Variants in TBX18 observed in about 807,000 individuals in gnomAD.
TBX18 encodes T-box transcription factor TBX18.
TBX18 carries 21 observed loss-of-function variants against 55.0 expected under a neutral mutation model. The observed-to-expected ratio is 0.38, with a 90% CI of 0.27 to 0.55. The LOEUF (loss-of-function observed/expected upper bound fraction) is 0.55, where lower values mean the gene tolerates loss of function less well. TBX18 is among the 20% of genes least tolerant of loss of function. TBX18 has a pLI of 0.73. For synonymous variants in TBX18, 342 were observed against 326.1 expected, an observed-to-expected ratio of 1.05 and a Z score of -0.53; for missense variants, 840 against 799.6, an observed-to-expected ratio of 1.05 and a Z score of -0.61.
At chr6:84,743,061 C>A (rs1252492605) in intron 6 of TBX18, among the ~76,000 whole-genome samples, 1 of 152,120 alleles carries the variant, frequency 6.6e-6, no homozygotes. Context: ...AAAATAATTT[C>A]AATACAGCAG....
At chr6:84,762,263 A>G (rs548196736) in intron 2 of TBX18, among the ~76,000 whole-genome samples, 1 of 152,324 alleles carries the variant, frequency 6.6e-6, no homozygotes, top group South Asian at 2.1e-4. Flanking sequence ...ACCGCCCTGA[A>G]CGCAGAACAT....
chr6:84,748,004 C>A lies in TBX18; in HGVS notation c.855G>T (p.Lys285Asn). 4 of 1,613,504 alleles carry A rather than the reference C, an allele frequency of 2.5e-6. No individual in the cohort carries two copies. Among genetic ancestry groups the A allele is most frequent in the Non-Finnish European group, 3.4e-6 (4 of 1,179,562 alleles). Reference protein sequence around the residue: ...KDCGDDLSPIKPVPSGEGVKA... With the variant: ...KDCGDDLSPINPVPSGEGVKA... ...TTACTCCCTCCCCGGATGGAACAGG[C>A]TTGATGGGAGAAAGATCGTCTCCAC... Residue 285 changes from lysine to asparagine, a missense_variant, in exon 5 of 8, where the codon AAG becomes AAT. Lys to Asn is a moderately conservative substitution (Grantham distance 94). Transcript: ENST00000369663.
In TBX18 at chr6:84,756,811, G is replaced by A. The variant is rs769177001; in HGVS notation, c.658C>T (p.Pro220Ser). Residue 220 changes from proline (P) to serine (S), a missense_variant, in exon 4 of 8, where the codon CCC (proline) becomes TCC (serine). Transcript: ENST00000369663. ...GAGTCTGGATGAATGTACACACGGG[G>A]TGGCACAGGCGAGTCAGCATTACCT... is the stretch of plus-strand genomic sequence containing the variant. ...VAGNADSPVP[P>S]RVYIHPDSPA... 3.0e-5 allele frequency: 48 copies of A among 1,614,100 alleles called. No individual in the cohort carries two copies. Among genetic ancestry groups the A allele is most frequent in the Non-Finnish European group, 4.1e-5 (48 of 1,180,006 alleles).
intron 3 of TBX18, among the ~76,000 whole-genome samples, chr6:84,759,861 G>C (rs943430169): frequency 6.6e-6 from 1 of 151,558 alleles, no homozygotes; most frequent in African/African-American, 2.4e-5. Context: ...AAATTTACAT[G>C]ACCAAAAGAT....
rs1773837334 is a variant in TBX18, at chr6:84,732,737, C to T, written c.*3948G>A. The T allele has an allele frequency of 6.6e-6, 1 of 151,792 alleles. No homozygotes were observed. The highest frequency in any genetic ancestry group is 1.5e-5 in the Non-Finnish European group (1 of 67,932). 9.4% of individuals were successfully genotyped at this position (151,792 alleles called of 1,614,324 possible). A position where few individuals can be genotyped will look rare whatever the true frequency, so the allele number is the denominator to read the frequency against. On this transcript the variant is annotated 3_prime_UTR_variant, in exon 8 of 8. Coordinates refer to ENST00000369663, the MANE Select transcript of TBX18 (RefSeq NM_001080508.3). ...ATCCTGTAAAACTAAAGCACAGTTC[C>T]ATTTAAAGGATAAATTTCACATAAT...
chr6:84,754,980 T>G (rs1767447747), intron 4 of TBX18, among the ~76,000 whole-genome samples: 1 of 152,196 alleles, frequency 6.6e-6, no homozygotes. Context: ...GGTAAGCTCC[T>G]TAAAATAAAT....
intron 4 of TBX18, among the ~76,000 whole-genome samples, chr6:84,751,723 T>C (rs1002003887): frequency 6.6e-6 from 1 of 152,166 alleles, no homozygotes; most frequent in Non-Finnish European, 1.5e-5. Context: ...AAAGTAGGAA[T>C]TGAGGAGAGA....
intron 6 of TBX18, among the ~76,000 whole-genome samples, chr6:84,739,186 G>C (rs894054917): frequency 6.6e-6 from 1 of 151,824 alleles, no homozygotes; most frequent in Admixed American, 6.6e-5. Context: ...TGAAGAAACA[G>C]CACTGGCCTC....
intron 7 of TBX18, 104 bp from the exon 8 acceptor site, chr6:84,737,513 G>C: frequency 7.7e-7 from 1 of 1,299,038 alleles, no homozygotes; most frequent in South Asian, 1.9e-5. Context: ...AAGGGTTGGA[G>C]GAATGCTACA....
At chr6:84,758,407 CAAA>C (rs1217785377) in intron 3 of TBX18, among the ~76,000 whole-genome samples, 10 of 86,100 alleles carry the variant, frequency 1.2e-4, no homozygotes, top group Non-Finnish European at 1.7e-4. Context: ...GACTCCATCT[CAAA>C]AAAAAAAAAA....
chr6:84,736,234 A>G lies in TBX18; in HGVS notation c.*451T>C, dbSNP rs750091802. The stretch of plus-strand genomic sequence containing the variant: ...TTAGATTCTCACACTGTGTCCAAGA[A>G]TAACAGAAATCACAAGACTCTACAT... On this transcript the variant is annotated 3_prime_UTR_variant, in exon 8 of 8. Coordinates refer to ENST00000369663, the MANE Select transcript of TBX18 (RefSeq NM_001080508.3). 4.2e-4 allele frequency: 64 copies of G among 152,860 alleles called. No homozygotes were observed. The highest frequency in any genetic ancestry group is 6.9e-4 in the Non-Finnish European group (47 of 68,176). The allele number at this position is 152,860 out of a possible 1,614,324, so 9.5% of individuals were successfully genotyped here.
rs1011516071 is a variant in TBX18, at chr6:84,732,693, T to C, written c.*3992A>G. The C allele has an allele frequency of 1.3e-5, 2 of 152,078 alleles. No individual in the cohort carries two copies. The highest frequency in any genetic ancestry group is 4.8e-5 in the African/African-American group (2 of 41,450). The allele number at this position is 152,078 out of a possible 1,614,324, so 9.4% of individuals were successfully genotyped here. On this transcript the variant is annotated 3_prime_UTR_variant, in exon 8 of 8. Transcript: ENST00000369663. ...GTTACTAAGTATAGCTTCCTTCTGA[T>C]ATTAAAATACTAAAATTTATCCTGT...
At chr6:84,743,793 A>G (rs1767107861) in intron 6 of TBX18, among the ~76,000 whole-genome samples, 1 of 152,236 alleles carries the variant, frequency 6.6e-6, no homozygotes, top group Non-Finnish European at 1.5e-5. Flanking sequence ...CAAATTTGGA[A>G]ACTAAAGAAC....
chr6:84,743,952 T>C (rs752191908), intron 6 of TBX18, among the ~76,000 whole-genome samples: 1 of 152,170 alleles, frequency 6.6e-6, no homozygotes, highest in Non-Finnish European at 1.5e-5. Context: ...GCAGAGAGGA[T>C]ATTTAATTAG....
In TBX18 at chr6:84,754,738, A is replaced by G. The variant is rs78700992; in HGVS notation, c.771+1960T>C. Among the ~76,000 whole-genome samples the G allele has an allele frequency of 6.0e-3, 914 of 152,308 alleles. 10 individuals carry two copies. Among genetic ancestry groups the G allele is most frequent in the African/African-American group, 0.019 (773 of 41,558 alleles). On this transcript the variant is annotated intron_variant, in intron 4 of 7. Transcript: ENST00000369663. ...GATGTTGCTGCCAGGTATTTATTAG[A>G]TGAGATCAACATTTATATCAGCAGA...
Position 84,762,521 on chromosome 6 carries a change from G to A in TBX18, c.497+23C>T, listed in dbSNP as rs1287360908. 5 of 1,613,368 alleles carry A rather than the reference G, an allele frequency of 3.1e-6. No homozygotes were observed. The African/African-American group carries it at 6.7e-5, about 22-fold the overall frequency. On this transcript the variant is annotated intron_variant, in intron 2 of 7. Coordinates refer to ENST00000369663, the MANE Select transcript of TBX18 (RefSeq NM_001080508.3). Reference sequence around the variant, plus strand: ...GACAGGGTCTGGGGTAGGGAGGGGCGTCCACGCCAGCTTGCCCATTACCTG... The same window carrying A: ...GACAGGGTCTGGGGTAGGGAGGGGCATCCACGCCAGCTTGCCCATTACCTG...
chr6:84,756,653 G>A (rs373126945), intron 4 of TBX18, 45 bp downstream of exon 4: 39 of 1,560,888 alleles, frequency 2.5e-5, no homozygotes, highest in Non-Finnish European at 3.1e-5. Context: ...CAGTGTAGAT[G>A]TGGCTGTGCC....
chr6:84,764,149 GCTGCACGGCGAGCCCCTTCGCTT>G lies in TBX18; in HGVS notation c.10_32del (p.Lys4HisfsTer57). The stretch of plus-strand genomic sequence containing the variant: ...AAGCGTGCGCCTTGAGGCTTAGCAT[GCTGCACGGCGAGCCCCTTCGCTT>G]CTCGGCCATCCCCCCCGCCCCGCGC... On this transcript the variant is annotated frameshift_variant, in exon 1 of 8. Coordinates refer to ENST00000369663, the MANE Select transcript of TBX18 (RefSeq NM_001080508.3). LOFTEE classifies it high-confidence loss of function. The G allele has an allele frequency of 6.5e-7, 1 of 1,545,414 alleles. No homozygotes were observed. Among genetic ancestry groups the G allele is most frequent in the Non-Finnish European group, 8.6e-7 (1 of 1,156,170 alleles).
intron 5 of TBX18, 145 bp from the exon 6 acceptor site, chr6:84,744,470 C>T (rs1767129568): frequency 1.6e-6 from 1 of 619,996 alleles, no homozygotes; most frequent in Non-Finnish European, 2.7e-6. Context: ...ATTTTAATAT[C>T]CTAGCAGTAA....
Sources: allele counts gnomAD v4.1 joint callset (sites outside exome capture counted in the v4.1 genomes callset), GRCh38; gene constraint gnomAD v4.1.1; transcripts MANE v1.5; gene names NCBI Gene and HGNC (gene_info 2026-07-23, HGNC 2026-07-21).